Variants in ACVR2A observed in about 807,000 individuals in gnomAD.
The protein encoded by ACVR2A is activin A receptor type 2A.
Under a neutral mutation model 61.4 loss-of-function variants are expected in ACVR2A, and 7 were observed. That is an observed-to-expected ratio of 0.11 (90% CI 0.06 to 0.21). ACVR2A has a LOEUF of 0.21. Ranked by LOEUF, ACVR2A falls within the 10% of genes least tolerant of loss-of-function variation. The probability of loss-of-function intolerance (pLI) is 1.00; values close to 1 mark genes in which losing one functional copy is unlikely to be tolerated. For synonymous variants in ACVR2A, 193 were observed against 208.3 expected (o/e 0.93, Z 0.63); for missense variants, 322 against 621.7 (o/e 0.52, Z 5.13).
intron 5 of ACVR2A, among the ~76,000 whole-genome samples, chr2:147,915,737 C>T (rs1383242269): frequency 6.6e-6 from 1 of 151,882 alleles, no homozygotes; most frequent in Non-Finnish European, 1.5e-5. Context: ...GGTATATCAC[C>T]AGACTTGACT....
At chr2:147,855,898 C>T (rs1184905298) in intron 1 of ACVR2A, among the ~76,000 whole-genome samples, 3 of 152,008 alleles carry the variant, frequency 2.0e-5, no homozygotes, top group African/African-American at 7.3e-5. Flanking sequence ...TACTCCTTTT[C>T]AGGTGTCTAT....
At position 147,925,438 on chromosome 2, in the gene ACVR2A, C is replaced by T. The variant is rs539385424; in HGVS notation, c.1217-593C>T. ...TTGTTTAATGTTGTCTATGAAGGCA[C>T]ATCCTGACTTGTTGGGACCCCTAGT... On this transcript the variant is annotated intron_variant, in intron 9 of 10. Coordinates refer to ENST00000241416, the MANE Select transcript of ACVR2A (RefSeq NM_001616.5). 3.3e-5 allele frequency among the ~76,000 whole-genome samples: 5 copies of T among 152,062 alleles called. No homozygotes were observed. In the South Asian group the frequency reaches 1.0e-3, roughly 32 times the overall value.
intron 1 of ACVR2A, among the ~76,000 whole-genome samples, chr2:147,865,303 G>A (rs746823618): frequency 1.1e-4 from 17 of 152,052 alleles, no homozygotes; most frequent in Non-Finnish European, 2.1e-4. Context: ...CTCCACATCC[G>A]TACCTTTTGT....
At chr2:147,902,561 G>C (rs2105197530) in intron 4 of ACVR2A, among the ~76,000 whole-genome samples, 1 of 152,018 alleles carries the variant, frequency 6.6e-6, no homozygotes, top group African/African-American at 2.4e-5. Context: ...GAGAAGTAAA[G>C]AAGTCATAGA....
chr2:147,899,591 A>G, intron 3 of ACVR2A, 24 bp downstream of exon 3: 2 of 1,601,728 alleles, frequency 1.2e-6, no homozygotes, highest in Non-Finnish European at 1.7e-6. Flanking sequence ...GAAAATACGT[A>G]GGTTTGCTCA....
At chr2:147,873,101 A>G (rs1686064182) in intron 1 of ACVR2A, among the ~76,000 whole-genome samples, 1 of 151,918 alleles carries the variant, frequency 6.6e-6, no homozygotes, top group South Asian at 2.1e-4. Context: ...TTGGTACAAC[A>G]TTGAGGAAAT....
chr2:147,892,742 G>T (rs1162854332), intron 1 of ACVR2A, among the ~76,000 whole-genome samples: 1 of 151,554 alleles, frequency 6.6e-6, no homozygotes, highest in Non-Finnish European at 1.5e-5. Flanking sequence ...ATGTTATTTT[G>T]ATTGAAGCAT....
At chr2:147,882,631 T>TA (rs753425248) in intron 1 of ACVR2A, among the ~76,000 whole-genome samples, 1 of 152,194 alleles carries the variant, frequency 6.6e-6, no homozygotes, top group Non-Finnish European at 1.5e-5. Flanking sequence ...TTACTCTCCT[T>TA]ACACATGCCA....
chr2:147,924,208 T>C (rs1378393240), intron 9 of ACVR2A, among the ~76,000 whole-genome samples: 1 of 152,078 alleles, frequency 6.6e-6, no homozygotes, highest in Non-Finnish European at 1.5e-5. Flanking sequence ...CAGAAGTAGG[T>C]TAGATGGCAG....
At position 147,887,923 on chromosome 2, in the gene ACVR2A, T is replaced by C. The variant is rs575233813; in HGVS notation, c.56-8378T>C. Among the ~76,000 whole-genome samples, 3 of 152,258 alleles carry C rather than the reference T, an allele frequency of 2.0e-5. No individual in the cohort carries two copies. The East Asian group carries it at 5.8e-4, about 29-fold the overall frequency. ...TTTATTATGCATACCTTGAGAAAACTTGGAAATTGTCACCATATGAGAGGT... is the reference window on the plus strand; with the variant it reads ...TTTATTATGCATACCTTGAGAAAACCTGGAAATTGTCACCATATGAGAGGT... On this transcript the variant is annotated intron_variant, in intron 1 of 10. Transcript: ENST00000241416.
intron 8 of ACVR2A, 55 bp from the exon 9 acceptor site, chr2:147,922,918 T>C (rs965815643): frequency 7.0e-6 from 11 of 1,569,432 alleles, no homozygotes; most frequent in Non-Finnish European, 8.6e-6. Flanking sequence ...CAAAATCATA[T>C]GTTAGTTCAT....
intron 1 of ACVR2A, among the ~76,000 whole-genome samples, chr2:147,857,171 T>C (rs1017502436): frequency 6.6e-6 from 1 of 152,146 alleles, no homozygotes; most frequent in Non-Finnish European, 1.5e-5. Flanking sequence ...AGGGTGGTTA[T>C]ACTTTATTTT....
At chr2:147,872,975 ATTTG>A (rs1686060360) in intron 1 of ACVR2A, among the ~76,000 whole-genome samples, 1 of 151,938 alleles carries the variant, frequency 6.6e-6, no homozygotes, top group Non-Finnish European at 1.5e-5. Context: ...AGCTGTGCCT[ATTTG>A]TTTGACACTT....
chr2:147,921,158 T>A (rs937466125), intron 8 of ACVR2A, among the ~76,000 whole-genome samples: 1 of 152,068 alleles, frequency 6.6e-6, no homozygotes, highest in Non-Finnish European at 1.5e-5. Flanking sequence ...CTCAGCTTCC[T>A]GAGTAGCTGG....
chr2:147,845,252 C>T (rs772588375), intron 1 of ACVR2A, 45 bp downstream of exon 1: 2 of 1,569,066 alleles, frequency 1.3e-6, no homozygotes, highest in Admixed American at 3.5e-5. Context: ...CCTGCGGCCG[C>T]GGCGGCCGCT....
In ACVR2A at chr2:147,928,026, T is replaced by TA. The variant is rs1687546131; in HGVS notation, c.*753dup. 2 of 152,534 alleles carry TA rather than the reference T, an allele frequency of 1.3e-5. No individual in the cohort carries two copies. The highest frequency in any genetic ancestry group is 4.1e-4 in the South Asian group (2 of 4,826). 9.4% of individuals were successfully genotyped at this position (152,534 alleles called of 1,614,324 possible). On this transcript the variant is annotated 3_prime_UTR_variant, in exon 11 of 11. Transcript: ENST00000241416. Reference sequence around the variant, plus strand: ...AGTGGCCATTCGTAAAGCAGTGTTTTAGCATTTCTTGTGCTGGCTTGTAAT... The same window carrying TA: ...AGTGGCCATTCGTAAAGCAGTGTTTTAAGCATTTCTTGTGCTGGCTTGTAAT...
chr2:147,865,151 G>A (rs763841216), intron 1 of ACVR2A, among the ~76,000 whole-genome samples: 2 of 152,098 alleles, frequency 1.3e-5, no homozygotes, highest in South Asian at 2.1e-4. Context: ...AAACCACCAC[G>A]AGGATAGGGA....
At chr2:147,896,941 T>TA (rs1299975598) in intron 2 of ACVR2A, 1 of 154,334 alleles carries the variant, frequency 6.5e-6, no homozygotes, top group Non-Finnish European at 1.4e-5. Flanking sequence ...AAATTGATCT[T>TA]ACTACATTCC....
At chr2:147,915,162 T>C in intron 4 of ACVR2A, 29 bp from the exon 5 acceptor site, 2 of 1,605,528 alleles carry the variant, frequency 1.2e-6, no homozygotes, top group Non-Finnish European at 8.5e-7. Context: ...GTTCTGCTTA[T>C]TTATAGTATT....
Sources: gnomAD v4.1 joint callset for allele counts (sites outside exome capture counted in the v4.1 genomes callset) on GRCh38, gnomAD v4.1.1 for gene constraint, MANE v1.5 for transcripts, NCBI Gene and HGNC (gene_info 2026-07-23, HGNC 2026-07-21) for gene names.